SLC35F3: variants seen among roughly 807,000 people sequenced by gnomAD.
The protein encoded by SLC35F3 is putative thiamine transporter SLC35F3.
In SLC35F3, 25 loss-of-function variants were observed where a neutral mutation model predicts 49.9. The ratio of observed to expected loss-of-function variants is 0.50; its 90% CI spans 0.37 to 0.70. SLC35F3 has a LOEUF of 0.70. Among genes scored for constraint, SLC35F3 ranks in the 30% least tolerant of loss-of-function variants. The probability of loss-of-function intolerance (pLI) is 0.00; values close to 1 mark genes in which losing one functional copy is unlikely to be tolerated. For synonymous variants in SLC35F3, 275 were observed against 265.4 expected, an observed-to-expected ratio of 1.04 and a Z score of -0.35; for missense variants, 525 against 639.8, an observed-to-expected ratio of 0.82 and a Z score of 1.94.
intron 2 of SLC35F3, among the ~76,000 whole-genome samples, chr1:234,160,351 G>A (rs1174862467): frequency 1.3e-5 from 2 of 152,312 alleles, no homozygotes; most frequent in East Asian, 3.9e-4. Context: ...GACCCAGGCA[G>A]CACAACAGCG....
At chr1:234,204,159 C>T (rs1666938029) in intron 2 of SLC35F3, among the ~76,000 whole-genome samples, 1 of 151,944 alleles carries the variant, frequency 6.6e-6, no homozygotes, top group African/African-American at 2.4e-5. Context: ...AGCAATAAAA[C>T]TTAGATGAAC....
intron 2 of SLC35F3, among the ~76,000 whole-genome samples, chr1:234,068,081 T>C (rs1297167530): frequency 6.6e-6 from 1 of 152,088 alleles, no homozygotes; most frequent in East Asian, 1.9e-4. Context: ...CTCCTAGAGA[T>C]GTTTAAGCAA....
chr1:234,054,349 C>T (rs1464871298), intron 2 of SLC35F3, among the ~76,000 whole-genome samples: 3 of 152,132 alleles, frequency 2.0e-5, no homozygotes, highest in Admixed American at 6.5e-5. Flanking sequence ...TCTTTTTACT[C>T]TTTTTTCTCT....
intron 2 of SLC35F3, among the ~76,000 whole-genome samples, chr1:233,915,699 G>C (rs112655194): frequency 0.13 from 19,550 of 152,202 alleles, 1,265 homozygotes; most frequent in Non-Finnish European, 0.15. Flanking sequence ...ACAGTTCCAC[G>C]TGGCTGGGGA....
intron 2 of SLC35F3, among the ~76,000 whole-genome samples, chr1:234,052,808 CAT>C (rs1664398866): frequency 6.6e-6 from 1 of 152,092 alleles, no homozygotes; most frequent in African/African-American, 2.4e-5. Flanking sequence ...CACTGCTTTA[CAT>C]GTGTCCCAGA....
intron 2 of SLC35F3, among the ~76,000 whole-genome samples, chr1:234,044,344 C>A (rs1270994055): frequency 6.6e-6 from 1 of 152,194 alleles, no homozygotes; most frequent in Non-Finnish European, 1.5e-5. Context: ...GTTATAGCAA[C>A]ACAAAATGGG....
In SLC35F3 at chr1:234,318,934, C is replaced by A; in HGVS notation, c.1138C>A (p.Leu380Ile). The change falls in exon 6 of 8, where the codon CTT (leucine) becomes ATT (isoleucine). Residue 380 changes from leucine to isoleucine, a missense_variant. Leu to Ile is a conservative substitution (Grantham distance 5, BLOSUM62 2). Coordinates refer to ENST00000366618, the MANE Select transcript of SLC35F3 (RefSeq NM_173508.4). The part of the protein sequence containing the change: ...PWGNLCGFSV[L>I]LLTFNIVLNF... The stretch of plus-strand genomic sequence containing the variant: ...GGGAAACCTTTGTGGATTTTCAGTT[C>A]TTTTATTGAGTAAGTGCTAATCACC... 6.2e-7 allele frequency: 1 copy of A among 1,613,766 alleles called. No homozygotes were observed. The highest frequency in any genetic ancestry group is 8.5e-7 in the Non-Finnish European group (1 of 1,179,844).
chr1:233,948,024 G>A (rs562647169), intron 2 of SLC35F3, among the ~76,000 whole-genome samples: 2 of 149,566 alleles, frequency 1.3e-5, no homozygotes, highest in Admixed American at 6.7e-5. Flanking sequence ...TAGATAATTA[G>A]GAAAAATTAT....
intron 2 of SLC35F3, among the ~76,000 whole-genome samples, chr1:234,105,125 TAAA>T (rs4027096): frequency 3.1e-5 from 4 of 130,420 alleles, no homozygotes; most frequent in Non-Finnish European, 4.9e-5. Context: ...GAGACTCCGT[TAAA>T]AAAAAAAAAA....
chr1:233,973,500 C>T (rs952366166), intron 2 of SLC35F3, among the ~76,000 whole-genome samples: 14 of 152,160 alleles, frequency 9.2e-5, no homozygotes, highest in Non-Finnish European at 1.8e-4. Context: ...CAGACATTAA[C>T]GATGCTTCAG....
chr1:234,076,610 C>T lies in SLC35F3; in HGVS notation c.284-154807C>T, dbSNP rs148264291. On this transcript the variant is annotated intron_variant, in intron 2 of 7. Transcript: ENST00000366618. ...CCAAGTAGCTGGGATTATGGGTGCCCGCCATCATGCCCTGCTAATTTTTGT... is the reference window on the plus strand; with the variant it reads ...CCAAGTAGCTGGGATTATGGGTGCCTGCCATCATGCCCTGCTAATTTTTGT... 7.0e-3 allele frequency among the ~76,000 whole-genome samples: 1,062 copies of T among 152,016 alleles called. 5 individuals carry two copies. Among genetic ancestry groups the T allele is most frequent in the Middle Eastern group, 0.021 (6 of 292 alleles).
intron 2 of SLC35F3, among the ~76,000 whole-genome samples, chr1:234,137,777 C>T (rs1665833272): frequency 6.6e-6 from 1 of 152,134 alleles, no homozygotes; most frequent in African/African-American, 2.4e-5. Context: ...TGCAAATTAG[C>T]AGGAGAGACA....
chr1:234,243,823 G>T (rs1667591513), intron 3 of SLC35F3, among the ~76,000 whole-genome samples: 1 of 152,192 alleles, frequency 6.6e-6, no homozygotes, highest in South Asian at 2.1e-4. Context: ...ACATCTCCCA[G>T]CCTCCCCTGG....
rs972552895 is a variant in SLC35F3 at position 234,030,643 on chromosome 1, T to C, written c.283+124885T>C. ...GGGCAGGCACAAAAATAGGAGGAGA[T>C]TAGGTTGGATAGCATGAAATTGCTG... is the stretch of plus-strand genomic sequence containing the variant. On this transcript the variant is annotated intron_variant, in intron 2 of 7. Coordinates refer to ENST00000366618, the MANE Select transcript of SLC35F3 (RefSeq NM_173508.4). Among the ~76,000 whole-genome samples the C allele has an allele frequency of 1.4e-4, 22 of 152,034 alleles. 1 individual carries two copies. Among genetic ancestry groups the C allele is most frequent in the Non-Finnish European group, 5.9e-5 (4 of 68,000 alleles).
At chr1:234,227,750 C>G (rs1667310728) in intron 2 of SLC35F3, among the ~76,000 whole-genome samples, 2 of 152,172 alleles carry the variant, frequency 1.3e-5, no homozygotes. Context: ...AAAGGCAACA[C>G]TTGACCTGAA....
chr1:234,085,554 A>G (rs1268071845), intron 2 of SLC35F3, among the ~76,000 whole-genome samples: 2 of 152,132 alleles, frequency 1.3e-5, no homozygotes, highest in African/African-American at 4.8e-5. Context: ...ATCAATCTTG[A>G]GATGTAATTT....
intron 2 of SLC35F3, among the ~76,000 whole-genome samples, chr1:234,174,105 G>A (rs369309547): frequency 6.6e-4 from 100 of 152,208 alleles, no homozygotes; most frequent in African/African-American, 2.2e-3. Flanking sequence ...GTGTTCCTGC[G>A]GCATGGTGCC....
chr1:233,938,681 GA>G (rs1662372789), intron 2 of SLC35F3, among the ~76,000 whole-genome samples: 2 of 151,396 alleles, frequency 1.3e-5, no homozygotes, highest in African/African-American at 4.9e-5. Flanking sequence ...TGGGTGGATG[GA>G]TGGATGGATG....
At chr1:234,196,754 A>G (rs10910377) in intron 2 of SLC35F3, among the ~76,000 whole-genome samples, 7,754 of 152,316 alleles carry the variant, frequency 0.051, 703 homozygotes, top group African/African-American at 0.18. Flanking sequence ...AGCCTGGCCA[A>G]GATGGTGAAA....
Sources: allele counts gnomAD v4.1 joint callset (sites outside exome capture counted in the v4.1 genomes callset), GRCh38; gene constraint gnomAD v4.1.1; transcripts MANE v1.5; gene names NCBI Gene and HGNC (gene_info 2026-07-23, HGNC 2026-07-21).